ISY1: variants seen among roughly 807,000 people sequenced by gnomAD.
ISY1 encodes pre-mRNA-splicing factor ISY1 homolog.
In ISY1, 12 loss-of-function variants were observed where a neutral mutation model predicts 54.4. The ratio of observed to expected loss-of-function variants is 0.22; its 90% CI spans 0.14 to 0.36. The LOEUF is 0.36. Among genes scored for constraint, ISY1 ranks in the 10% least tolerant of loss-of-function variants. The pLI is 1.00. For synonymous variants in ISY1, 96 were observed against 117.9 expected (o/e 0.81, Z 1.20); for missense variants, 282 against 342.2 (o/e 0.82, Z 1.39).
rs141319727 is a variant in ISY1 at position 129,159,643 on chromosome 3, A to T, written c.4-467T>A. ...TGTAAGTTCTGTCACACTAAATGTC[A>T]ACTCAATTATCCCTGAAACACAGTG... On this transcript the variant is annotated intron_variant, in intron 1 of 10. Transcript: ENST00000393295. Among the ~76,000 whole-genome samples the T allele has an allele frequency of 3.1e-3, 473 of 152,320 alleles. 3 individuals are homozygous for T. Among genetic ancestry groups the T allele is most frequent in the African/African-American group, 0.011 (461 of 41,562 alleles).
intron 3 of ISY1, 104 bp from the exon 4 acceptor site, chr3:129,157,024 A>G: frequency 7.7e-7 from 1 of 1,294,632 alleles, no homozygotes; most frequent in Non-Finnish European, 1.1e-6. Context: ...ATGGCCTAAA[A>G]ACATTTGAAG....
intron 7 of ISY1, among the ~76,000 whole-genome samples, 194 bp downstream of exon 7, chr3:129,140,174 C>T (rs1936564478): frequency 1.3e-5 from 2 of 152,154 alleles, no homozygotes; most frequent in Non-Finnish European, 2.9e-5. Context: ...ACTTTCCAGC[C>T]CCAATTGTAT....
chr3:129,131,966 A>G (rs968543457), intron 9 of ISY1, among the ~76,000 whole-genome samples: 1 of 152,160 alleles, frequency 6.6e-6, no homozygotes, highest in Non-Finnish European at 1.5e-5. Context: ...AGTAGCTGGG[A>G]CTATAGGCAT....
At chr3:129,148,291 G>A (rs556854717) in intron 5 of ISY1, among the ~76,000 whole-genome samples, 1 of 152,196 alleles carries the variant, frequency 6.6e-6, no homozygotes, top group Non-Finnish European at 1.5e-5. Flanking sequence ...ATTTCTCTTG[G>A]AGAAATACCT....
At chr3:129,145,714 G>C (rs772094896) in intron 6 of ISY1, 47 bp downstream of exon 6, 1 of 1,579,996 alleles carries the variant, frequency 6.3e-7, no homozygotes, top group South Asian at 1.1e-5. Flanking sequence ...AACTGCTGTG[G>C]GTGGAAAACT....
intron 6 of ISY1, among the ~76,000 whole-genome samples, chr3:129,145,095 G>C (rs1392649474): frequency 6.6e-6 from 1 of 152,040 alleles, no homozygotes; most frequent in African/African-American, 2.4e-5. Flanking sequence ...ATATTTTGTA[G>C]ATTCAGGGTC....
intron 7 of ISY1, among the ~76,000 whole-genome samples, chr3:129,139,062 G>A (rs1352000520): frequency 1.3e-5 from 2 of 151,804 alleles, no homozygotes; most frequent in Non-Finnish European, 2.9e-5. Flanking sequence ...AGCCTCCTGA[G>A]TAGCTGGGAT....
At chr3:129,154,022 C>T (rs902883281) in intron 5 of ISY1, among the ~76,000 whole-genome samples, 4 of 151,730 alleles carry the variant, frequency 2.6e-5, no homozygotes, top group African/African-American at 9.7e-5. Flanking sequence ...GCGGGCGGAT[C>T]ACGAGGTCAG....
At chr3:129,155,941 A>T (rs978400805) in intron 5 of ISY1, among the ~76,000 whole-genome samples, 3 of 151,722 alleles carry the variant, frequency 2.0e-5, no homozygotes, top group African/African-American at 7.3e-5. Flanking sequence ...GGCTGGTCTC[A>T]AACCCCAGAC....
chr3:129,140,379 A>T lies in ISY1; in HGVS notation c.407T>A (p.Phe136Tyr). The T allele has an allele frequency of 6.2e-7, 1 of 1,602,646 alleles. No homozygotes were observed. The highest frequency in any genetic ancestry group is 2.2e-5 in the East Asian group (1 of 44,822). Residue 136 changes from phenylalanine (F) to tyrosine (Y), a missense_variant, in exon 7 of 11, where the codon TTT (phenylalanine) becomes TAT (tyrosine). By Grantham distance (22) the Phe-to-Tyr change is conservative (BLOSUM62 3). Around this residue, in one of 2 missense-constraint regions of ISY1, gnomAD observed 279 missense variants for 323.6 expected, o/e 0.86. Coordinates refer to ENST00000393295, the MANE Select transcript of ISY1 (RefSeq NM_020701.4). ...ACAAACTTACTTACGTTCTTTTTCA[A>T]ACAGCTCTCTAACACCAGGCAAATC... ...AKDLPGVREL[F>Y]EKEPLPPPRK...
chr3:129,129,335 C>T lies in ISY1; in HGVS notation c.*746G>A, dbSNP rs1936175407. 6.6e-6 allele frequency: 1 copy of T among 151,422 alleles called. No homozygotes were observed. The highest frequency in any genetic ancestry group is 1.5e-5 in the Non-Finnish European group (1 of 67,970). The allele number at this position is 151,422 out of a possible 1,614,324, so 9.4% of individuals were successfully genotyped here. ...GGAGAGCCCAGAGCAGCAACCAACA[C>T]AGAGGGACCTGGTCATTGACTTGTG... On this transcript the variant is annotated 3_prime_UTR_variant, in exon 11 of 11. Transcript: ENST00000393295.
intron 6 of ISY1, among the ~76,000 whole-genome samples, chr3:129,144,834 T>C (rs1300661203): frequency 6.6e-6 from 1 of 152,200 alleles, no homozygotes; most frequent in Non-Finnish European, 1.5e-5. Context: ...GTAGTGTCTC[T>C]ATGGCTCTCA....
At position 129,156,680 on chromosome 3, in the gene ISY1, T is replaced by G. The variant is rs1038901645; in HGVS notation, c.145-5A>C. 4.4e-6 allele frequency: 7 copies of G among 1,599,172 alleles called. No individual in the cohort carries two copies. The African/African-American group carries it at 8.1e-5, about 18-fold the overall frequency. On this transcript the variant is annotated splice_polypyrimidine_tract_variant and splice_region_variant and intron_variant, in intron 4 of 10. Coordinates refer to ENST00000393295, the MANE Select transcript of ISY1 (RefSeq NM_020701.4). ...TTTAGAGATCTCTCCAATGATCTAT[T>G]AAAAAAAAGTAATACATTTTAATAA...
Position 129,130,613 on chromosome 3 carries a change from C to G in ISY1, c.687G>C (p.Glu229Asp). 2 of 1,614,208 alleles carry G rather than the reference C, an allele frequency of 1.2e-6. No homozygotes were observed. Among genetic ancestry groups the G allele is most frequent in the Non-Finnish European group, 1.7e-6 (2 of 1,180,030 alleles). ...EEESDEEGSQ[E>D]KGGDDSQQKF... is the part of the protein sequence containing the mutation. ...TCTGCTGGCTGTCGTCCCCTCCTTT[C>G]TCCTGGCTGCCTTCCTCGTCCGACT... The change falls in exon 10 of 11, where the codon GAG becomes GAC. Residue 229 changes from glutamate (E) to aspartate (D), a missense_variant. Physicochemically the swap from Glu to Asp is conservative, Grantham distance 45. This residue lies in a region of ISY1 where 279 missense variants were observed against 323.6 expected (regional missense o/e 0.86). Transcript: ENST00000393295.
chr3:129,152,567 C>G (rs1323609672), intron 5 of ISY1, among the ~76,000 whole-genome samples: 1 of 152,116 alleles, frequency 6.6e-6, no homozygotes, highest in Non-Finnish European at 1.5e-5. Context: ...CCACGCCCGG[C>G]TAATTTTTTT....
chr3:129,145,817 T>C lies in ISY1; in HGVS notation c.244A>G (p.Arg82Gly), dbSNP rs1936751266. Residue 82 changes from arginine (R) to glycine (G), a missense_variant, in exon 6 of 11, where the codon AGG becomes GGG. This residue lies in a region of ISY1 where 279 missense variants were observed against 323.6 expected (regional missense o/e 0.86). Transcript: ENST00000393295. ...CGGACCTCCCAGTGTCCTTTCTCCCTTAGCAGCTTGTTAATTTCATCATTC... is the reference window on the plus strand; with the variant it reads ...CGGACCTCCCAGTGTCCTTTCTCCCCTAGCAGCTTGTTAATTTCATCATTC... ...DLNDEINKLL[R>G]EKGHWEVRIK... 1 of 1,614,096 alleles carries C rather than the reference T, an allele frequency of 6.2e-7. No homozygotes were observed. Among genetic ancestry groups the C allele is most frequent in the Non-Finnish European group, 8.5e-7 (1 of 1,180,038 alleles).
chr3:129,143,691 AT>A (rs1479452073), intron 6 of ISY1, among the ~76,000 whole-genome samples: 1 of 151,244 alleles, frequency 6.6e-6, no homozygotes, highest in African/African-American at 2.4e-5. Context: ...TTATATTTAT[AT>A]TTTTTCTCTG....
At chr3:129,138,832 G>C (rs866114359) in intron 7 of ISY1, among the ~76,000 whole-genome samples, 7 of 131,332 alleles carry the variant, frequency 5.3e-5, no homozygotes, top group East Asian at 3.9e-4. Flanking sequence ...AAAAAAGAAA[G>C]AAAGAAAGAA....
chr3:129,147,773 T>G (rs529197214), intron 5 of ISY1, among the ~76,000 whole-genome samples: 1 of 152,104 alleles, frequency 6.6e-6, no homozygotes, highest in African/African-American at 2.4e-5. Flanking sequence ...TGCATCACTA[T>G]AGTCAACCCC....
Sources: allele counts gnomAD v4.1 joint callset (sites outside exome capture counted in the v4.1 genomes callset), GRCh38; gene constraint gnomAD v4.1.1; regional missense constraint gnomAD v4.1.1; transcripts MANE v1.5; gene names NCBI Gene and HGNC (gene_info 2026-07-23, HGNC 2026-07-21).